Variants in MEF2C observed in about 807,000 individuals in gnomAD.
MEF2C encodes the protein myocyte enhancer factor 2C.
Under a neutral mutation model 50.5 loss-of-function variants are expected in MEF2C, and 6 were observed. That is an observed-to-expected ratio of 0.12 (90% CI 0.07 to 0.23). MEF2C has a LOEUF of 0.23. Among genes scored for constraint, MEF2C ranks in the 10% least tolerant of loss-of-function variants. The pLI is 1.00. For missense variants in MEF2C, 276 were observed against 605.0 expected (o/e 0.46, Z 5.70); for synonymous variants, 183 against 228.0 (o/e 0.80, Z 1.78).
chr5:88,870,338 A>G (rs1829120865), intron 1 of MEF2C, among the ~76,000 whole-genome samples: 1 of 152,086 alleles, frequency 6.6e-6, no homozygotes, highest in South Asian at 2.1e-4. Context: ...GCTGAGCACA[A>G]TAAAACTAGG....
chr5:88,825,421 T>A, intron 1 of MEF2C: 1 of 911,024 alleles, frequency 1.1e-6, no homozygotes, highest in Non-Finnish European at 1.3e-6. Flanking sequence ...CTGCCTCTCA[T>A]AATATGTATG....
intron 6 of MEF2C, among the ~76,000 whole-genome samples, chr5:88,745,548 G>A (rs764637563): frequency 1.3e-5 from 2 of 152,244 alleles, no homozygotes; most frequent in East Asian, 1.9e-4. Flanking sequence ...AGAGGCTCAC[G>A]CCTGTAATCC....
chr5:88,813,721 A>G (rs1224872333), intron 2 of MEF2C, among the ~76,000 whole-genome samples: 1 of 152,110 alleles, frequency 6.6e-6, no homozygotes, highest in Non-Finnish European at 1.5e-5. Flanking sequence ...GCCTAATCTT[A>G]ATTGAACCTT....
At chr5:88,824,792 G>A (rs561625030) in intron 1 of MEF2C, 1 of 151,996 alleles carries the variant, frequency 6.6e-6, no homozygotes, top group East Asian at 1.9e-4. Context: ...ACATACTGGA[G>A]ATCTCTGGGT....
chr5:88,768,583 G>GTC, intron 3 of MEF2C: 1 of 548,158 alleles, frequency 1.8e-6, no homozygotes, highest in Non-Finnish European at 2.3e-6. Flanking sequence ...TTGTCATCTC[G>GTC]TATCACCAGA....
chr5:88,780,782 A>C (rs1262219493), intron 3 of MEF2C: 1 of 985,322 alleles, frequency 1.0e-6, no homozygotes, highest in Non-Finnish European at 1.2e-6. Context: ...GCATAGGGAC[A>C]CTTGTGTTAT....
At chr5:88,841,215 G>GA (rs939925637) in intron 1 of MEF2C, among the ~76,000 whole-genome samples, 7 of 152,112 alleles carry the variant, frequency 4.6e-5, no homozygotes, top group Admixed American at 4.6e-4. Context: ...TCCTGCTACT[G>GA]AAATGATCTT....
At chr5:88,889,137 T>A (rs569277087) in intron 1 of MEF2C, 1 of 152,332 alleles carries the variant, frequency 6.6e-6, no homozygotes, top group Admixed American at 6.5e-5. Flanking sequence ...GCGCTGGGAC[T>A]CAATCCGGAC....
chr5:88,803,826 G>GA (rs1228575139), intron 3 of MEF2C, among the ~76,000 whole-genome samples: 3 of 151,512 alleles, frequency 2.0e-5, no homozygotes, highest in Non-Finnish European at 4.4e-5. Context: ...AATAAAATGG[G>GA]AAAAAAAATG....
intron 1 of MEF2C, among the ~76,000 whole-genome samples, chr5:88,876,106 C>T (rs1331069193): frequency 7.0e-6 from 1 of 143,728 alleles, no homozygotes; most frequent in Non-Finnish European, 1.5e-5. Context: ...CCTCAAACTA[C>T]CTTCCCACAA....
chr5:88,795,782 T>C (rs1421920154), intron 3 of MEF2C, among the ~76,000 whole-genome samples: 2 of 152,256 alleles, frequency 1.3e-5, no homozygotes, highest in East Asian at 1.9e-4. Context: ...GGGTTTGTCA[T>C]AAATAGCTCT....
intron 4 of MEF2C, among the ~76,000 whole-genome samples, chr5:88,759,561 A>G (rs1642394914): frequency 6.6e-6 from 1 of 152,206 alleles, no homozygotes; most frequent in South Asian, 2.1e-4. Context: ...AAAATAAAAT[A>G]CCAATGGATA....
In MEF2C at chr5:88,863,093, T is replaced by A. The variant is rs567926288; in HGVS notation, c.-143+19862A>T. On this transcript the variant is annotated intron_variant, in intron 1 of 10. Transcript: ENST00000504921. ...GTACTGCCAGGATTTGACTCATCATTTAAGACTCACCTTAGGCATCCTTGA... is the reference window on the plus strand; with the variant it reads ...GTACTGCCAGGATTTGACTCATCATATAAGACTCACCTTAGGCATCCTTGA... Among the ~76,000 whole-genome samples, 19 of 152,348 alleles carry A rather than the reference T, an allele frequency of 1.2e-4. No individual in the cohort carries two copies. In the South Asian group the frequency reaches 2.5e-3, roughly 20 times the overall value.
At chr5:88,749,718 G>T (rs778957378) in intron 5 of MEF2C, among the ~76,000 whole-genome samples, 4 of 152,160 alleles carry the variant, frequency 2.6e-5, no homozygotes, top group African/African-American at 9.7e-5. Context: ...TTTCAATAAG[G>T]TATTGAACAT....
At chr5:88,737,065 A>T (rs1764430063) in intron 6 of MEF2C, 1 of 984,910 alleles carries the variant, frequency 1.0e-6, no homozygotes, top group Non-Finnish European at 1.2e-6. Flanking sequence ...TCACAAATAG[A>T]TATATAGAAT....
upstream of MEF2C, among the ~76,000 whole-genome samples, chr5:88,886,081 T>C (rs1834019698): frequency 6.6e-6 from 1 of 152,204 alleles, no homozygotes; most frequent in Admixed American, 6.5e-5. Flanking sequence ...GTTGGCCTTT[T>C]AAAATACAGG....
At position 88,824,726 on chromosome 5, in the gene MEF2C, A is replaced by T. The variant is rs999457436; in HGVS notation, c.-142-796T>A. Among the ~76,000 whole-genome samples, 7 of 152,100 alleles carry T rather than the reference A, an allele frequency of 4.6e-5. No individual in the cohort carries two copies. The East Asian group carries it at 1.2e-3, about 25-fold the overall frequency. On this transcript the variant is annotated intron_variant, in intron 1 of 10. Coordinates refer to ENST00000504921, the MANE Select transcript of MEF2C (RefSeq NM_002397.5). ...CTTCCTTTAAATTTAAATATTTAGA[A>T]ACAGACATATCATGTCTTTGTGGAG...
intron 1 of MEF2C, among the ~76,000 whole-genome samples, chr5:88,901,576 A>G (rs1200825349): frequency 6.6e-6 from 1 of 150,956 alleles, no homozygotes. Context: ...GCTATCTGTA[A>G]GATAGGAAGA....
At chr5:88,860,394 G>A (rs1411351966) in intron 1 of MEF2C, among the ~76,000 whole-genome samples, 2 of 151,570 alleles carry the variant, frequency 1.3e-5, no homozygotes, top group Admixed American at 6.6e-5. Context: ...TGTGCCTGCT[G>A]GTCATAATGG....
Sources: allele counts gnomAD v4.1 joint callset (sites outside exome capture counted in the v4.1 genomes callset), GRCh38; gene constraint gnomAD v4.1.1; transcripts MANE v1.5; gene names NCBI Gene and HGNC (gene_info 2026-07-23, HGNC 2026-07-21).